The following TXNDC16 variants were observed in gnomAD, a reference collection of about 807,000 sequenced individuals.
TXNDC16 encodes the protein thioredoxin domain containing 16.
A neutral mutation model predicts 85.6 loss-of-function variants in TXNDC16; 74 were observed. The ratio of observed to expected loss-of-function variants is 0.86; its 90% CI spans 0.72 to 1.05. The LOEUF is 1.05. Among genes scored for constraint, TXNDC16 ranks in the 50% least tolerant of loss-of-function variants. The pLI is 0.00. For missense variants in TXNDC16, 959 were observed against 947.0 expected (o/e 1.01, Z -0.17); for synonymous variants, 335 against 326.5 (o/e 1.03, Z -0.28).
chr14:52,440,461 T>C (rs1200011984), intron 19 of TXNDC16, 103 bp downstream of exon 19: 2 of 983,168 alleles, frequency 2.0e-6, no homozygotes, highest in Non-Finnish European at 2.7e-6. Context: ...TTTGGTTCCA[T>C]AAAATTAACT....
At position 52,482,921 on chromosome 14, in the gene TXNDC16, T is replaced by C; in HGVS notation, c.1153A>G (p.Lys385Glu). 6.2e-7 allele frequency: 1 copy of C among 1,611,408 alleles called. No individual in the cohort carries two copies. The highest frequency in any genetic ancestry group is 1.1e-5 in the South Asian group (1 of 90,874). ...GTAAGTTCCAAAGGTAATTTTCTCT[T>C]CCTATCTCTGAAAACAGTTTCTGCC... ...EVAETVFRDRKRKLPLELTVE... is the reference protein window; with the variant it reads ...EVAETVFRDRERKLPLELTVE... The change falls in exon 13 of 21, where the codon AAG becomes GAG. Residue 385 changes from lysine to glutamate, a missense_variant. Coordinates refer to ENST00000281741, the MANE Select transcript of TXNDC16 (RefSeq NM_020784.3).
chr14:52,542,402 G>A lies in TXNDC16; in HGVS notation c.212C>T (p.Pro71Leu). Reference protein sequence around the residue: ...FLEELNEAVRPLQDYGISVAK... With the variant: ...FLEELNEAVRLLQDYGISVAK... ...AACTGAAATTCCATAGTCCTGCAGA[G>A]GTCTAACAGCCTCATTCAGTTCTTC... Residue 71 changes from proline to leucine, a missense_variant, in exon 4 of 21, where the codon CCT becomes CTT. Physicochemically the swap from Pro to Leu is moderately conservative, Grantham distance 98 (BLOSUM62 -3). Transcript: ENST00000281741. The A allele has an allele frequency of 6.2e-7, 1 of 1,612,448 alleles. No individual in the cohort carries two copies. The highest frequency in any genetic ancestry group is 8.5e-7 in the Non-Finnish European group (1 of 1,179,194).
chr14:52,550,548 A>C (rs953448115), intron 1 of TXNDC16, among the ~76,000 whole-genome samples: 2 of 152,232 alleles, frequency 1.3e-5, no homozygotes, highest in Non-Finnish European at 2.9e-5. Context: ...GGAGGCAGCT[A>C]TCCAGACTTG....
chr14:52,452,903 G>T (rs2035444717), intron 18 of TXNDC16, among the ~76,000 whole-genome samples: 1 of 152,090 alleles, frequency 6.6e-6, no homozygotes, highest in Admixed American at 6.5e-5. Context: ...AGAGCCCACA[G>T]AATGGGAGAA....
At chr14:52,524,231 C>T (rs2037274858) in intron 6 of TXNDC16, among the ~76,000 whole-genome samples, 2 of 152,214 alleles carry the variant, frequency 1.3e-5, no homozygotes, top group South Asian at 2.1e-4. Flanking sequence ...ACACTCAATC[C>T]TTACGCTCTG....
chr14:52,483,627 G>A (rs897069805), intron 12 of TXNDC16, among the ~76,000 whole-genome samples: 18 of 152,152 alleles, frequency 1.2e-4, no homozygotes, highest in African/African-American at 3.9e-4. Flanking sequence ...GCTAGGCAGT[G>A]GCTAGATCAT....
At chr14:52,458,822 A>G (rs1490949270) in intron 16 of TXNDC16, among the ~76,000 whole-genome samples, 1 of 152,172 alleles carries the variant, frequency 6.6e-6, no homozygotes, top group Non-Finnish European at 1.5e-5. Context: ...ATTTCCTCAT[A>G]CAAAAGACTC....
At chr14:52,539,995 G>T (rs531775160) in intron 4 of TXNDC16, among the ~76,000 whole-genome samples, 1 of 151,916 alleles carries the variant, frequency 6.6e-6, no homozygotes, top group African/African-American at 2.4e-5. Context: ...TGCTATAATT[G>T]CTCACATATT....
At chr14:52,437,939 A>G (rs2035069121) in intron 20 of TXNDC16, among the ~76,000 whole-genome samples, 1 of 152,248 alleles carries the variant, frequency 6.6e-6, no homozygotes, top group South Asian at 2.1e-4. Context: ...ATGCAGAGGA[A>G]AAGGAAGCCT....
chr14:52,501,731 G>A (rs1246514260), intron 9 of TXNDC16, among the ~76,000 whole-genome samples: 1 of 152,124 alleles, frequency 6.6e-6, no homozygotes, highest in Non-Finnish European at 1.5e-5. Flanking sequence ...CCATCAAAGG[G>A]TATAACCCGT....
intron 9 of TXNDC16, among the ~76,000 whole-genome samples, chr14:52,493,110 T>C (rs1298715297): frequency 2.6e-5 from 4 of 151,120 alleles, no homozygotes; most frequent in African/African-American, 9.7e-5. Context: ...ACCCTGTCTC[T>C]ATTTTTTTTT....
chr14:52,493,995 G>A (rs1329572620), intron 9 of TXNDC16, among the ~76,000 whole-genome samples: 1 of 151,772 alleles, frequency 6.6e-6, no homozygotes, highest in East Asian at 1.9e-4. Context: ...TGCCCAGGCT[G>A]GTCTCGAACT....
chr14:52,487,319 GCT>G (rs2036293372), intron 12 of TXNDC16, among the ~76,000 whole-genome samples: 1 of 152,154 alleles, frequency 6.6e-6, no homozygotes, highest in African/African-American at 2.4e-5. Context: ...AAGAGTGAAA[GCT>G]CTTACTAAAT....
intron 6 of TXNDC16, among the ~76,000 whole-genome samples, chr14:52,525,730 A>G (rs2037317826): frequency 7.9e-6 from 1 of 125,798 alleles, no homozygotes; most frequent in African/African-American, 3.2e-5. Context: ...TAATAATAAT[A>G]ATAATAATAA....
rs1228259594 is a variant in TXNDC16 at position 52,514,975 on chromosome 14, A to G, written c.515-5T>C. ...CTTCCATGACTGCTCTGTGCTCTGA[A>G]GAAGAGATAAAGGGAGTTGGAAGAC... On this transcript the variant is annotated splice_polypyrimidine_tract_variant and splice_region_variant and intron_variant, in intron 7 of 20. Transcript: ENST00000281741. The G allele has an allele frequency of 6.2e-7, 1 of 1,606,440 alleles. No homozygotes were observed. Among genetic ancestry groups the G allele is most frequent in the East Asian group, 2.2e-5 (1 of 44,816 alleles).
At chr14:52,514,715 T>C (rs117070263) in intron 8 of TXNDC16, among the ~76,000 whole-genome samples, 165 bp downstream of exon 8, 5,116 of 152,260 alleles carry the variant, frequency 0.034, 130 homozygotes, top group Non-Finnish European at 0.05. Flanking sequence ...CAGCAGACTA[T>C]AGTAATAAAG....
chr14:52,504,666 C>T (rs201160108), intron 9 of TXNDC16, among the ~76,000 whole-genome samples: 9 of 151,064 alleles, frequency 6.0e-5, no homozygotes, highest in African/African-American at 9.7e-5. Flanking sequence ...CATCAACTAA[C>T]GAGCAAAATA....
At chr14:52,480,961 G>GTA (rs1284906734) in intron 14 of TXNDC16, among the ~76,000 whole-genome samples, 6 of 118,560 alleles carry the variant, frequency 5.1e-5, no homozygotes, top group Non-Finnish European at 8.6e-5. Context: ...GTGTGTGTGT[G>GTA]TATATATATA....
chr14:52,550,979 T>C (rs748025963), intron 1 of TXNDC16, among the ~76,000 whole-genome samples: 4 of 152,328 alleles, frequency 2.6e-5, no homozygotes, highest in Non-Finnish European at 4.4e-5. Context: ...CTCCAAAGCA[T>C]AGATGTTGGA....
Sources: allele counts gnomAD v4.1 joint callset (sites outside exome capture counted in the v4.1 genomes callset), GRCh38; gene constraint gnomAD v4.1.1; transcripts MANE v1.5; gene names NCBI Gene and HGNC (gene_info 2026-07-23, HGNC 2026-07-21).